Variants in CDH18 observed in about 807,000 individuals in gnomAD.
CDH18 encodes cadherin-18.
In CDH18, 31 loss-of-function variants were observed where a neutral mutation model predicts 67.9. That is an observed-to-expected ratio of 0.46 (90% CI 0.34 to 0.62). The LOEUF (loss-of-function observed/expected upper bound fraction) is 0.62. CDH18 is among the 20% of genes least tolerant of loss of function. The pLI, the probability that CDH18 is intolerant of heterozygous loss-of-function variation, is 0.01. For missense variants in CDH18, 890 were observed against 975.5 expected (o/e 0.91, Z 1.17); for synonymous variants, 362 against 347.2 (o/e 1.04, Z -0.48).
intron 5 of CDH18, among the ~76,000 whole-genome samples, chr5:19,705,817 A>G (rs2150502765): frequency 6.6e-6 from 1 of 152,328 alleles, no homozygotes; most frequent in South Asian, 2.1e-4. Context: ...TTATAGTCTT[A>G]CTTGGCAAAC....
intron 2 of CDH18, among the ~76,000 whole-genome samples, chr5:20,027,273 C>T (rs78131647): frequency 0.078 from 11,785 of 152,016 alleles, 502 homozygotes; most frequent in East Asian, 0.14. Context: ...ATATAATATG[C>T]GTTGTAGAGT....
chr5:19,866,948 G>GGT (rs1402054590), intron 2 of CDH18, among the ~76,000 whole-genome samples: 1 of 152,056 alleles, frequency 6.6e-6, no homozygotes, highest in East Asian at 1.9e-4. Flanking sequence ...AAATTAACCA[G>GGT]GTGTGGTGGT....
At chr5:19,564,910 G>A (rs997502908) in intron 8 of CDH18, among the ~76,000 whole-genome samples, 1 of 151,918 alleles carries the variant, frequency 6.6e-6, no homozygotes, top group African/African-American at 2.4e-5. Flanking sequence ...GAGTGAAGAT[G>A]GGTGGTATCC....
At chr5:19,567,565 T>C (rs887298772) in intron 8 of CDH18, among the ~76,000 whole-genome samples, 4 of 152,180 alleles carry the variant, frequency 2.6e-5, no homozygotes, top group African/African-American at 9.7e-5. Context: ...GGCTTGCTTT[T>C]GTTTTTGTTA....
rs187755241 is a variant in CDH18, at chr5:19,571,119, A to G, written c.1253+460T>C. ...TGCATCCTCACGATAGCTCTGAGAC[A>G]CAGACATTATTTTTCCACTTTTACA... is the stretch of plus-strand genomic sequence containing the variant. On this transcript the variant is annotated intron_variant, in intron 8 of 12. Coordinates refer to ENST00000382275, the MANE Select transcript of CDH18 (RefSeq NM_004934.5). 1.5e-3 allele frequency among the ~76,000 whole-genome samples: 222 copies of G among 152,344 alleles called. 1 individual carries two copies. Among genetic ancestry groups the G allele is most frequent in the African/African-American group, 5.1e-3 (211 of 41,588 alleles).
chr5:20,157,170 T>C (rs1263649337), intron 2 of CDH18, among the ~76,000 whole-genome samples: 1 of 152,232 alleles, frequency 6.6e-6, no homozygotes, highest in East Asian at 1.9e-4. Flanking sequence ...ATTTAAAGTT[T>C]ATAAATTGTA....
chr5:20,004,519 T>C (rs1454160680), intron 2 of CDH18, among the ~76,000 whole-genome samples: 1 of 152,168 alleles, frequency 6.6e-6, no homozygotes, highest in Non-Finnish European at 1.5e-5. Flanking sequence ...ATTAACTTCA[T>C]TTTTCATAAA....
chr5:20,281,077 G>T (rs1328221130), intron 1 of CDH18, among the ~76,000 whole-genome samples: 1 of 152,078 alleles, frequency 6.6e-6, no homozygotes, highest in East Asian at 1.9e-4. Context: ...TTGTAAATCT[G>T]TTTGAGTTCT....
At chr5:20,052,006 C>T (rs58267870) in intron 2 of CDH18, among the ~76,000 whole-genome samples, 11,835 of 152,022 alleles carry the variant, frequency 0.078, 909 homozygotes, top group African/African-American at 0.2. Flanking sequence ...ATTAGGTGAG[C>T]CATTAACAAT....
intron 12 of CDH18, among the ~76,000 whole-genome samples, chr5:19,482,323 A>G (rs1472749614): frequency 6.6e-6 from 1 of 152,012 alleles, no homozygotes; most frequent in East Asian, 1.9e-4. Flanking sequence ...TCACTGTGTT[A>G]GCCAGGATAG....
chr5:19,540,223 T>C (rs1396539657), intron 9 of CDH18, among the ~76,000 whole-genome samples: 1 of 151,988 alleles, frequency 6.6e-6, no homozygotes, highest in Non-Finnish European at 1.5e-5. Flanking sequence ...TCCAAAATGA[T>C]CTCCCTTGAC....
chr5:19,878,393 C>A (rs972970347), intron 2 of CDH18, among the ~76,000 whole-genome samples: 1 of 152,014 alleles, frequency 6.6e-6, no homozygotes, highest in Admixed American at 6.6e-5. Context: ...AGAATACAAA[C>A]ATACGGCACA....
intron 3 of CDH18, among the ~76,000 whole-genome samples, chr5:19,780,027 G>A (rs1260087903): frequency 6.6e-6 from 1 of 152,042 alleles, no homozygotes; most frequent in Non-Finnish European, 1.5e-5. Flanking sequence ...TGTAGGAAGG[G>A]CCTGTTAATG....
chr5:19,800,023 T>C (rs1023551938), intron 3 of CDH18, among the ~76,000 whole-genome samples: 1 of 152,308 alleles, frequency 6.6e-6, no homozygotes, highest in African/African-American at 2.4e-5. Context: ...AAAGTAAAGT[T>C]TGTAGGGTTT....
chr5:20,385,967 T>A (rs1046447150), intron 1 of CDH18, among the ~76,000 whole-genome samples: 1 of 152,218 alleles, frequency 6.6e-6, no homozygotes. Context: ...CTGAATTTCA[T>A]AGGTGTAGTT....
chr5:19,964,647 CAAAAA>C (rs10719096), intron 2 of CDH18, among the ~76,000 whole-genome samples: 2 of 77,246 alleles, frequency 2.6e-5, no homozygotes, highest in African/African-American at 6.7e-5. Flanking sequence ...GGCCCTGTAT[CAAAAA>C]AAAAAAAAAG....
chr5:19,506,361 C>A (rs917701870), intron 10 of CDH18, among the ~76,000 whole-genome samples: 1 of 152,084 alleles, frequency 6.6e-6, no homozygotes, highest in Non-Finnish European at 1.5e-5. Flanking sequence ...TCAATGCCAT[C>A]CCCATCAAGC....
rs571176740 is a variant in CDH18, at chr5:19,744,192, A to G, written c.523+2750T>C. Among the ~76,000 whole-genome samples the G allele has an allele frequency of 2.6e-5, 4 of 152,228 alleles. No homozygotes were observed. In the East Asian group the frequency reaches 7.8e-4, roughly 30 times the overall value. On this transcript the variant is annotated intron_variant, in intron 4 of 12. Transcript: ENST00000382275. ...TTTCCCATAAAATAACTCTTTCAATAGAATCTTGCCTGAAACCACAGTAGT... is the reference window on the plus strand; with the variant it reads ...TTTCCCATAAAATAACTCTTTCAATGGAATCTTGCCTGAAACCACAGTAGT...
At chr5:20,240,801 C>T (rs544727698) in intron 2 of CDH18, among the ~76,000 whole-genome samples, 21 of 152,060 alleles carry the variant, frequency 1.4e-4, no homozygotes, top group Non-Finnish European at 2.6e-4. Flanking sequence ...TTCTCAAGTT[C>T]TGCTTTTTAT....
Sources: allele counts gnomAD v4.1 joint callset (sites outside exome capture counted in the v4.1 genomes callset), GRCh38; gene constraint gnomAD v4.1.1; transcripts MANE v1.5; gene names NCBI Gene and HGNC (gene_info 2026-07-23, HGNC 2026-07-21).